Variants in IGSF11 observed in about 807,000 individuals in gnomAD.
The protein encoded by IGSF11 is CXADR like 1.
A neutral mutation model predicts 41.0 loss-of-function variants in IGSF11; 22 were observed. The ratio of observed to expected loss-of-function variants is 0.54; its 90% CI spans 0.38 to 0.77. The LOEUF (loss-of-function observed/expected upper bound fraction) is 0.77, where lower values mean the gene tolerates loss of function less well. Among genes scored for constraint, IGSF11 ranks in the 30% least tolerant of loss-of-function variants. The pLI, the probability that IGSF11 is intolerant of heterozygous loss-of-function variation, is 0.00. For missense variants in IGSF11, 444 were observed against 530.8 expected (o/e 0.84, Z 1.61); for synonymous variants, 219 against 201.3 (o/e 1.09, Z -0.74).
intron 1 of IGSF11, among the ~76,000 whole-genome samples, chr3:119,017,086 A>C (rs1576653051): frequency 6.8e-6 from 1 of 148,108 alleles, no homozygotes; most frequent in Non-Finnish European, 1.5e-5. Flanking sequence ...TTCACTTGGG[A>C]GGTGATATCC....
chr3:119,067,912 T>C (rs746987302), intron 1 of IGSF11, among the ~76,000 whole-genome samples: 15 of 152,204 alleles, frequency 9.9e-5, no homozygotes, highest in Non-Finnish European at 1.9e-4. Context: ...AACGTATTTG[T>C]AATTTATCTG....
chr3:118,932,895 C>T (rs955815182), intron 1 of IGSF11, among the ~76,000 whole-genome samples: 1 of 152,194 alleles, frequency 6.6e-6, no homozygotes, highest in Non-Finnish European at 1.5e-5. Flanking sequence ...TAATTTCAAG[C>T]TTAACTCAAA....
intron 1 of IGSF11, among the ~76,000 whole-genome samples, chr3:118,990,905 TG>T (rs2107652056): frequency 6.6e-6 from 1 of 152,286 alleles, no homozygotes; most frequent in African/African-American, 2.4e-5. Flanking sequence ...GTTCCTTGAT[TG>T]GAAGAAATGA....
At chr3:119,142,354 G>A (rs1338046284) in intron 1 of IGSF11, among the ~76,000 whole-genome samples, 2 of 150,554 alleles carry the variant, frequency 1.3e-5, no homozygotes, top group East Asian at 3.9e-4. Context: ...AATGATGCAA[G>A]TAACATACAA....
At chr3:119,080,272 T>C (rs1375920006) in intron 1 of IGSF11, among the ~76,000 whole-genome samples, 7 of 152,204 alleles carry the variant, frequency 4.6e-5, no homozygotes, top group Admixed American at 6.5e-5. Flanking sequence ...CTGAGGATTA[T>C]GGGAAACATT....
Position 118,902,420 on chromosome 3 carries a change from T to A in IGSF11, c.*100A>T. The A allele has an allele frequency of 1.1e-6, 1 of 883,176 alleles. No individual in the cohort carries two copies. The highest frequency in any genetic ancestry group is 1.6e-5 in the South Asian group (1 of 61,418). The allele number at this position is 883,176 out of a possible 1,614,324, so 54.7% of individuals were successfully genotyped here. On this transcript the variant is annotated 3_prime_UTR_variant, in exon 7 of 7. Coordinates refer to ENST00000393775, the MANE Select transcript of IGSF11 (RefSeq NM_001015887.3). Reference sequence around the variant, plus strand: ...TCTTTGTGCATTTTACTAATATAATTATAAGGAAGTGTTTCTTTCCCAGCA... The same window carrying A: ...TCTTTGTGCATTTTACTAATATAATAATAAGGAAGTGTTTCTTTCCCAGCA...
intron 1 of IGSF11, among the ~76,000 whole-genome samples, chr3:119,060,710 T>G (rs1942026443): frequency 6.6e-6 from 1 of 152,226 alleles, no homozygotes; most frequent in Non-Finnish European, 1.5e-5. Context: ...GTTTTCTGTC[T>G]CTATGGCCAG....
chr3:119,039,838 A>T (rs1208915515), upstream of IGSF11, among the ~76,000 whole-genome samples: 2 of 152,114 alleles, frequency 1.3e-5, no homozygotes, highest in Non-Finnish European at 2.9e-5. Context: ...GACCATTGAA[A>T]CCACCTTTGC....
At chr3:118,947,367 G>C (rs1280772642) in intron 1 of IGSF11, 1 of 152,194 alleles carries the variant, frequency 6.6e-6, no homozygotes, top group Non-Finnish European at 1.5e-5. Context: ...ATCAACAAAA[G>C]AGCAGTAATT....
At chr3:118,924,831 C>G (rs1416786612) in intron 4 of IGSF11, among the ~76,000 whole-genome samples, 1 of 151,904 alleles carries the variant, frequency 6.6e-6, no homozygotes, top group East Asian at 1.9e-4. Context: ...GATGATACCC[C>G]TTTATTTTTG....
At position 119,014,926 on chromosome 3, in the gene IGSF11, C is replaced by A. The variant is rs530013070; in HGVS notation, c.52+19605G>T. Among the ~76,000 whole-genome samples the A allele has an allele frequency of 1.9e-4, 29 of 152,254 alleles. No individual in the cohort carries two copies. The South Asian group carries it at 5.8e-3, about 30-fold the overall frequency. Reference sequence around the variant, plus strand: ...AAGCAAATCAGTAAATACCTATACACCTTTTTATGTATCTAAAAAGTGTAT... The same window carrying A: ...AAGCAAATCAGTAAATACCTATACAACTTTTTATGTATCTAAAAAGTGTAT... On this transcript the variant is annotated intron_variant, in intron 1 of 6. Coordinates refer to ENST00000393775, the MANE Select transcript of IGSF11 (RefSeq NM_001015887.3).
intron 1 of IGSF11, among the ~76,000 whole-genome samples, chr3:119,049,804 T>C (rs1345962193): frequency 1.3e-5 from 2 of 150,214 alleles, no homozygotes; most frequent in African/African-American, 2.5e-5. Context: ...AACAGAGATG[T>C]AGATCAATGG....
chr3:119,024,522 A>C (rs1213121698), intron 1 of IGSF11, among the ~76,000 whole-genome samples: 1 of 152,156 alleles, frequency 6.6e-6, no homozygotes, highest in Non-Finnish European at 1.5e-5. Flanking sequence ...GTGCAAAAAC[A>C]ACCTCTCTCT....
chr3:118,926,417 C>T (rs1404508081), intron 3 of IGSF11, among the ~76,000 whole-genome samples, 161 bp from the exon 4 acceptor site: 1 of 152,068 alleles, frequency 6.6e-6, no homozygotes, highest in African/African-American at 2.4e-5. Flanking sequence ...GAGGCATGTA[C>T]CAATTCACGA....
In IGSF11 at chr3:119,034,752, T is replaced by G. The variant is rs1488050222; in HGVS notation, c.-170A>C. ...CTGTCAGACCCACAGACGAGCCAAG[T>G]GCAGCTGCAGCGCCGCCCGGCTCCG... is the stretch of plus-strand genomic sequence containing the variant. On this transcript the variant is annotated 5_prime_UTR_variant, in exon 1 of 7. Coordinates refer to ENST00000393775, the MANE Select transcript of IGSF11 (RefSeq NM_001015887.3). 2 of 1,321,108 alleles carry G rather than the reference T, an allele frequency of 1.5e-6. No homozygotes were observed. Among genetic ancestry groups the G allele is most frequent in the Non-Finnish European group, 1.9e-6 (2 of 1,033,692 alleles). 81.8% of individuals were successfully genotyped at this position (1,321,108 alleles called of 1,614,324 possible). A position where few individuals can be genotyped will look rare whatever the true frequency, so the allele number is the denominator to read the frequency against.
intron 1 of IGSF11, among the ~76,000 whole-genome samples, chr3:119,051,973 A>T (rs550718800): frequency 6.6e-6 from 1 of 152,300 alleles, no homozygotes; most frequent in African/African-American, 2.4e-5. Context: ...GGGATACAGT[A>T]AAAGCAGTGA....
intron 1 of IGSF11, among the ~76,000 whole-genome samples, chr3:119,076,636 A>T (rs1174756509): frequency 2.6e-5 from 4 of 152,242 alleles, no homozygotes; most frequent in Non-Finnish European, 5.9e-5. Flanking sequence ...GAAGACATTT[A>T]TGCAGCCAAC....
chr3:119,026,238 A>C (rs911861358), intron 1 of IGSF11, among the ~76,000 whole-genome samples: 2 of 152,194 alleles, frequency 1.3e-5, no homozygotes, highest in Middle Eastern at 3.2e-3. Context: ...TTCATTTTTT[A>C]TTTTAAAATA....
chr3:119,064,729 T>C (rs766373676), intron 1 of IGSF11, among the ~76,000 whole-genome samples: 2 of 152,292 alleles, frequency 1.3e-5, no homozygotes, highest in Admixed American at 6.5e-5. Context: ...CTGTAGTTTC[T>C]TGTTCCTTTT....
Sources: gnomAD v4.1 joint callset for allele counts (sites outside exome capture counted in the v4.1 genomes callset) on GRCh38, gnomAD v4.1.1 for gene constraint, MANE v1.5 for transcripts, NCBI Gene and HGNC (gene_info 2026-07-23, HGNC 2026-07-21) for gene names.